The following BARX2 variants were observed in gnomAD, a reference collection of about 807,000 sequenced individuals.
BARX2 encodes BARX homeobox 2.
In BARX2, 11 loss-of-function variants were observed where a neutral mutation model predicts 25.5. The ratio of observed to expected loss-of-function variants is 0.43; its 90% CI spans 0.27 to 0.71. The LOEUF is 0.71. BARX2 is among the 30% of genes least tolerant of loss of function. BARX2 has a pLI of 0.19. For missense variants in BARX2, 360 were observed against 359.9 expected (o/e 1.00, Z 0.00); for synonymous variants, 137 against 149.5 (o/e 0.92, Z 0.61).
At chr11:129,403,094 G>C (rs1284317248) in intron 1 of BARX2, among the ~76,000 whole-genome samples, 1 of 152,224 alleles carries the variant, frequency 6.6e-6, no homozygotes, top group Admixed American at 6.5e-5. Flanking sequence ...AGCTGTCCTC[G>C]TGTTGCAATG....
intron 3 of BARX2, among the ~76,000 whole-genome samples, chr11:129,444,982 C>T (rs80184634): frequency 0.055 from 8,284 of 151,472 alleles, 740 homozygotes; most frequent in African/African-American, 0.19. Context: ...GTCTGGGCCA[C>T]GGAGCAAGAC....
rs564711617 is a variant in BARX2, at chr11:129,436,641, G to T, written c.188-110G>T. 1.6e-6 allele frequency: 2 copies of T among 1,241,196 alleles called. No individual in the cohort carries two copies. The highest frequency in any genetic ancestry group is 1.5e-5 in the African/African-American group (1 of 66,480). The allele number at this position is 1,241,196 out of a possible 1,614,324, so 76.9% of individuals were successfully genotyped here. A position where few individuals can be genotyped will look rare whatever the true frequency, so the allele number is the denominator to read the frequency against. ...CCTTCCTCCATCTGTACCTCCTTAA[G>T]AGCAGGGCCCTCCCTGTCAGACAGA... is the stretch of plus-strand genomic sequence containing the variant. On this transcript the variant is annotated intron_variant, in intron 1 of 3. Transcript: ENST00000281437. The surrounding 1 kb of genome is among the most constrained non-coding windows in gnomAD (Gnocchi z 4.5).
chr11:129,385,413 G>A (rs974780707), intron 1 of BARX2, among the ~76,000 whole-genome samples: 1 of 152,054 alleles, frequency 6.6e-6, no homozygotes, highest in Non-Finnish European at 1.5e-5. Context: ...GAAGGAAAAA[G>A]GTTAAAATAA....
chr11:129,436,429 T>C lies in BARX2; in HGVS notation c.188-322T>C, dbSNP rs969638882. On this transcript the variant is annotated intron_variant, in intron 1 of 3. Transcript: ENST00000281437. The surrounding 1 kb of genome is among the most constrained non-coding windows in gnomAD (Gnocchi z 4.5). ...GTCTCTAGCTTTTCCTGACTACTTC[T>C]TTTCATCTGCCTGGTCCCATGGACC... The C allele has an allele frequency of 2.7e-5, 9 of 333,160 alleles. No homozygotes were observed. Among genetic ancestry groups the C allele is most frequent in the Non-Finnish European group, 3.8e-5 (7 of 184,440 alleles). 20.6% of individuals were successfully genotyped at this position (333,160 alleles called of 1,614,324 possible). A position where few individuals can be genotyped will look rare whatever the true frequency, so the allele number is the denominator to read the frequency against.
chr11:129,421,887 C>T (rs547970448), intron 1 of BARX2, among the ~76,000 whole-genome samples: 113 of 152,032 alleles, frequency 7.4e-4, no homozygotes, highest in African/African-American at 2.7e-3. Context: ...AATTTGTATA[C>T]TTTTATACTG....
At chr11:129,442,778 A>G (rs950615228) in intron 2 of BARX2, 57 bp from the exon 3 acceptor site, 19 of 1,453,770 alleles carry the variant, frequency 1.3e-5, no homozygotes, top group Non-Finnish European at 1.6e-5. Context: ...GCAGGATCCC[A>G]TCTCTCCTGC....
At chr11:129,379,556 C>G (rs1480575703) in intron 1 of BARX2, among the ~76,000 whole-genome samples, 3 of 151,770 alleles carry the variant, frequency 2.0e-5, no homozygotes, top group African/African-American at 7.3e-5. Context: ...GGTGGAAAAG[C>G]CCACTTGAAG....
rs547552459 is a variant in BARX2, at chr11:129,396,547, T to C, written c.187+20325T>C. On this transcript the variant is annotated intron_variant, in intron 1 of 3. Coordinates refer to ENST00000281437, the MANE Select transcript of BARX2 (RefSeq NM_003658.5). Reference sequence around the variant, plus strand: ...CAGTCTACTTTTTAAGAAAACTCTCTAAGTTCATATTGTCTGTACTTCATC... The same window carrying C: ...CAGTCTACTTTTTAAGAAAACTCTCCAAGTTCATATTGTCTGTACTTCATC... Among the ~76,000 whole-genome samples the C allele has an allele frequency of 1.2e-3, 177 of 152,328 alleles. 1 individual carries two copies. Among genetic ancestry groups the C allele is most frequent in the Middle Eastern group, 3.4e-3 (1 of 294 alleles).
intron 3 of BARX2, among the ~76,000 whole-genome samples, chr11:129,444,658 A>T (rs1376120799): frequency 6.6e-6 from 1 of 152,224 alleles, no homozygotes; most frequent in Non-Finnish European, 1.5e-5. Context: ...TTATAAGCCC[A>T]TCGGAGTTCA....
At chr11:129,396,393 T>G (rs1262803665) in intron 1 of BARX2, among the ~76,000 whole-genome samples, 2 of 132,998 alleles carry the variant, frequency 1.5e-5, no homozygotes, top group Non-Finnish European at 3.2e-5. Flanking sequence ...CCCACTCACC[T>G]TTTTTTTTTT....
intron 1 of BARX2, among the ~76,000 whole-genome samples, chr11:129,420,675 C>T (rs1591439796): frequency 6.6e-6 from 1 of 152,186 alleles, no homozygotes; most frequent in African/African-American, 2.4e-5. Flanking sequence ...TAGTTTATTA[C>T]TTCACCTCCT....
At chr11:129,396,655 G>A (rs952728360) in intron 1 of BARX2, among the ~76,000 whole-genome samples, 1 of 152,132 alleles carries the variant, frequency 6.6e-6, no homozygotes, top group Non-Finnish European at 1.5e-5. Flanking sequence ...GGGTGAGGTG[G>A]CAGCTGTTCA....
At chr11:129,450,291 T>C (rs1434524909) in intron 3 of BARX2, among the ~76,000 whole-genome samples, 1 of 152,230 alleles carries the variant, frequency 6.6e-6, no homozygotes, top group African/African-American at 2.4e-5. Flanking sequence ...TGTTTGATCA[T>C]TGTTGAAAGT....
rs570495677 is a variant in BARX2, at chr11:129,434,401, A to T, written c.188-2350A>T. 7.5e-3 allele frequency among the ~76,000 whole-genome samples: 900 copies of T among 119,570 alleles called. 9 individuals carry two copies. The highest frequency in any genetic ancestry group is 0.023 in the African/African-American group (734 of 31,394). 78.4% of individuals were successfully genotyped at this position (119,570 alleles called of 152,430 possible). On this transcript the variant is annotated intron_variant, in intron 1 of 3. Transcript: ENST00000281437. ...GCAACAGAGACCCTGTCTCTACTTTAAAAAAAAAAAAAAAGTAAGTAAAAA... is the reference window on the plus strand; with the variant it reads ...GCAACAGAGACCCTGTCTCTACTTTTAAAAAAAAAAAAAAGTAAGTAAAAA...
intron 3 of BARX2, 138 bp from the exon 4 acceptor site, chr11:129,450,998 G>A (rs573201236): frequency 1.7e-5 from 17 of 1,008,080 alleles, no homozygotes; most frequent in African/African-American, 3.2e-5. Flanking sequence ...GTGATGGGTT[G>A]AGAATATATT....
At chr11:129,425,163 A>C (rs1862048910) in intron 1 of BARX2, among the ~76,000 whole-genome samples, 1 of 152,246 alleles carries the variant, frequency 6.6e-6, no homozygotes, top group Non-Finnish European at 1.5e-5. Flanking sequence ...GATTCCAGGT[A>C]AAATCAATTC....
At chr11:129,437,707 A>G (rs1013821394) in intron 2 of BARX2, 9 of 155,118 alleles carry the variant, frequency 5.8e-5, no homozygotes, top group African/African-American at 2.2e-4. Flanking sequence ...TCTTTAATTT[A>G]CTATTTTAAC....
At chr11:129,396,312 C>T (rs1396038808) in intron 1 of BARX2, among the ~76,000 whole-genome samples, 7 of 152,008 alleles carry the variant, frequency 4.6e-5, no homozygotes, top group African/African-American at 1.4e-4. Context: ...TCTTACTTGA[C>T]GTCTCCCTGC....
intron 3 of BARX2, among the ~76,000 whole-genome samples, chr11:129,446,796 G>A (rs1862335345): frequency 6.6e-6 from 1 of 152,172 alleles, no homozygotes; most frequent in South Asian, 2.1e-4. Flanking sequence ...GAGAAAGTCA[G>A]CTAATGGGAG....
Sources: allele counts gnomAD v4.1 joint callset (sites outside exome capture counted in the v4.1 genomes callset), GRCh38; gene constraint gnomAD v4.1.1; non-coding constraint Gnocchi (gnomAD v3.1); transcripts MANE v1.5; gene names NCBI Gene and HGNC (gene_info 2026-07-23, HGNC 2026-07-21).